Variants in RBFOX1 observed in about 807,000 individuals in gnomAD.
RBFOX1 encodes RNA binding fox-1 homolog 1.
Under a neutral mutation model 57.7 loss-of-function variants are expected in RBFOX1, and 8 were observed. The observed-to-expected ratio is 0.14, with a 90% CI of 0.08 to 0.25. The LOEUF is 0.25. RBFOX1 is among the 10% of genes least tolerant of loss of function. The pLI is 1.00. For missense variants in RBFOX1, 611 were observed against 548.5 expected (o/e 1.11, Z -1.14); for synonymous variants, 326 against 222.4 (o/e 1.47, Z -4.15).
intron 2 of RBFOX1, among the ~76,000 whole-genome samples, chr16:6,329,190 G>T (rs900680148): frequency 6.6e-6 from 1 of 152,176 alleles, no homozygotes; most frequent in African/African-American, 2.4e-5. Flanking sequence ...GAAAGCAGTT[G>T]TTGTTCCTAG....
chr16:7,669,853 G>GCCGTCCGCAGTCAC (rs2070785045), intron 13 of RBFOX1, among the ~76,000 whole-genome samples: 1 of 152,124 alleles, frequency 6.6e-6, no homozygotes, highest in South Asian at 2.1e-4. Flanking sequence ...CTGAGGATTG[G>GCCGTCCGCAGTCAC]CATTTGACTT....
At chr16:6,753,656 C>A (rs8044053) in intron 3 of RBFOX1, among the ~76,000 whole-genome samples, 1 of 152,032 alleles carries the variant, frequency 6.6e-6, no homozygotes. Flanking sequence ...TACTTCTCGC[C>A]TGCCTTCCTT....
At chr16:7,075,990 C>G (rs1365941792) in intron 4 of RBFOX1, among the ~76,000 whole-genome samples, 1 of 151,998 alleles carries the variant, frequency 6.6e-6, no homozygotes, top group East Asian at 1.9e-4. Context: ...CTATTAGTCC[C>G]CTAAACTGAC....
At chr16:6,314,198 C>T (rs1004341069) in intron 1 of RBFOX1, among the ~76,000 whole-genome samples, 1 of 152,138 alleles carries the variant, frequency 6.6e-6, no homozygotes, top group Non-Finnish European at 1.5e-5. Flanking sequence ...GGTGCTGTAA[C>T]CCTCTGGGGC....
At chr16:6,611,390 A>T (rs538785431) in intron 2 of RBFOX1, among the ~76,000 whole-genome samples, 1 of 152,204 alleles carries the variant, frequency 6.6e-6, no homozygotes, top group South Asian at 2.1e-4. Flanking sequence ...CAGGTGATCC[A>T]TCTGCCTCAG....
intron 3 of RBFOX1, among the ~76,000 whole-genome samples, chr16:5,620,223 G>A (rs1384986666): frequency 6.6e-6 from 1 of 152,124 alleles, no homozygotes; most frequent in East Asian, 1.9e-4. Flanking sequence ...CCTGGCATTA[G>A]CCCCGTTTTG....
At chr16:5,643,450 C>A (rs887109899) in intron 3 of RBFOX1, among the ~76,000 whole-genome samples, 1 of 152,188 alleles carries the variant, frequency 6.6e-6, no homozygotes, top group Non-Finnish European at 1.5e-5. Flanking sequence ...TTTCCTGATA[C>A]ATAAAGTAGA....
At chr16:5,514,122 C>T (rs918588526) in intron 2 of RBFOX1, among the ~76,000 whole-genome samples, 1 of 152,048 alleles carries the variant, frequency 6.6e-6, no homozygotes, top group African/African-American at 2.4e-5. Flanking sequence ...TAAACTACCC[C>T]AAAACTTTAT....
intron 2 of RBFOX1, among the ~76,000 whole-genome samples, chr16:6,510,208 C>T (rs1048566570): frequency 3.9e-5 from 6 of 152,062 alleles, no homozygotes; most frequent in African/African-American, 1.4e-4. Flanking sequence ...TTTTATTAGC[C>T]CCTTTGTCTC....
At chr16:7,233,333 C>G (rs1023272241) in intron 4 of RBFOX1, among the ~76,000 whole-genome samples, 1 of 151,988 alleles carries the variant, frequency 6.6e-6, no homozygotes, top group Non-Finnish European at 1.5e-5. Flanking sequence ...ATTATCCCAG[C>G]TCTTCTATAT....
chr16:7,508,267 C>G (rs191134390), intron 4 of RBFOX1, among the ~76,000 whole-genome samples: 1 of 151,788 alleles, frequency 6.6e-6, no homozygotes, highest in African/African-American at 2.4e-5. Flanking sequence ...CGTGAGCCAC[C>G]GCGCCCGGCC....
chr16:7,701,329 C>CTGTT (rs1205303205), intron 14 of RBFOX1, among the ~76,000 whole-genome samples: 1 of 151,868 alleles, frequency 6.6e-6, no homozygotes, highest in Non-Finnish European at 1.5e-5. Context: ...GCAACGCTTC[C>CTGTT]TGTTTGCAGC....
chr16:5,653,455 C>A (rs894723705), intron 3 of RBFOX1, among the ~76,000 whole-genome samples: 1 of 142,642 alleles, frequency 7.0e-6, no homozygotes, highest in African/African-American at 2.7e-5. Flanking sequence ...TGTGCTCCAC[C>A]TTTGTACGGA....
intron 2 of RBFOX1, among the ~76,000 whole-genome samples, chr16:6,501,278 T>C (rs2095914231): frequency 6.8e-6 from 1 of 146,092 alleles, no homozygotes; most frequent in African/African-American, 2.5e-5. Context: ...CTCCAAATGC[T>C]ATCCCTCCCC....
chr16:7,181,095 A>G (rs189904646), intron 4 of RBFOX1, among the ~76,000 whole-genome samples: 2 of 152,340 alleles, frequency 1.3e-5, no homozygotes, highest in East Asian at 1.9e-4. Flanking sequence ...ACCCCCTGCT[A>G]TCAAGGAATG....
intron 2 of RBFOX1, among the ~76,000 whole-genome samples, chr16:5,575,037 T>C (rs1340674348): frequency 6.6e-6 from 1 of 152,208 alleles, no homozygotes; most frequent in Admixed American, 6.5e-5. Context: ...AACTTTGTGA[T>C]AATCAGGGCC....
At chr16:7,272,371 G>A (rs1446870406) in intron 4 of RBFOX1, among the ~76,000 whole-genome samples, 1 of 152,030 alleles carries the variant, frequency 6.6e-6, no homozygotes, top group Non-Finnish European at 1.5e-5. Flanking sequence ...TTTTAGTAGA[G>A]ACTGTGTTCC....
At chr16:6,273,617 C>G (rs1166644791) in intron 1 of RBFOX1, among the ~76,000 whole-genome samples, 1 of 151,892 alleles carries the variant, frequency 6.6e-6, no homozygotes, top group African/African-American at 2.4e-5. Flanking sequence ...AAGTGCTGGG[C>G]TTATAGGCGT....
At chr16:6,462,689 G>A (rs948524403) in intron 2 of RBFOX1, among the ~76,000 whole-genome samples, 5 of 151,666 alleles carry the variant, frequency 3.3e-5, no homozygotes, top group African/African-American at 9.7e-5. Context: ...ATATTACCAT[G>A]TTTTTACCCC....
Sources: allele counts gnomAD v4.1 joint callset (sites outside exome capture counted in the v4.1 genomes callset), GRCh38; gene constraint gnomAD v4.1.1; transcripts MANE v1.5; gene names NCBI Gene and HGNC (gene_info 2026-07-23, HGNC 2026-07-21).